PHF21B: variants seen among roughly 807,000 people sequenced by gnomAD.
PHF21B encodes the protein PHD finger protein 4.
Under a neutral mutation model 62.2 loss-of-function variants are expected in PHF21B, and 22 were observed. That is an observed-to-expected ratio of 0.35 (90% CI 0.25 to 0.51). PHF21B has a LOEUF of 0.51. PHF21B is among the 20% of genes least tolerant of loss of function. PHF21B has a pLI of 0.97. For synonymous variants in PHF21B, 341 were observed against 314.7 expected, an observed-to-expected ratio of 1.08 and a Z score of -0.88; for missense variants, 701 against 707.9, an observed-to-expected ratio of 0.99 and a Z score of 0.11.
At position 44,902,487 on chromosome 22, in the gene PHF21B, C is replaced by T. The variant is rs185878235; in HGVS notation, c.832-6404G>A. ...AATAAAATAACTATTTTTTGAATTT[C>T]GTATACTTTTCCCCCTTCTGCCTCT... On this transcript the variant is annotated intron_variant, in intron 5 of 12. Transcript: ENST00000313237. The T allele has an allele frequency of 2.3e-3, 386 of 167,536 alleles. 2 individuals are homozygous for T. The highest frequency in any genetic ancestry group is 3.4e-3 in the South Asian group (21 of 6,154). 10.4% of individuals were successfully genotyped at this position (167,536 alleles called of 1,614,324 possible).
At chr22:44,970,289 A>G (rs1381585360) in intron 2 of PHF21B, among the ~76,000 whole-genome samples, 3 of 152,354 alleles carry the variant, frequency 2.0e-5, no homozygotes, top group South Asian at 2.1e-4. Context: ...GCAGGGGGGA[A>G]TCTTTTCTGC....
chr22:45,002,957 T>A (rs1373004580), intron 2 of PHF21B: 1 of 152,200 alleles, frequency 6.6e-6, no homozygotes, highest in East Asian at 1.9e-4. Context: ...TATGGACGCA[T>A]CTCCCAGGCA....
rs370628239 is a variant in PHF21B, at chr22:44,987,808, TTCTC to T, written c.120+20733_120+20736del. On this transcript the variant is annotated intron_variant, in intron 2 of 12. Coordinates refer to ENST00000313237, the MANE Select transcript of PHF21B (RefSeq NM_138415.5). ...TCTCTCCTCTCCCCCTCCCCCTTCC[TTCTC>T]TCTATCTCACCCTTCACCCCTCATT... Among the ~76,000 whole-genome samples, 220 of 149,508 alleles carry T rather than the reference TTCTC, an allele frequency of 1.5e-3. 1 individual carries two copies. The East Asian group carries it at 0.024, about 16-fold the overall frequency.
chr22:45,006,961 G>A (rs2073325287), intron 2 of PHF21B, among the ~76,000 whole-genome samples: 1 of 151,740 alleles, frequency 6.6e-6, no homozygotes, highest in African/African-American at 2.4e-5. Context: ...TCCAAAAATG[G>A]CATCAAAGCA....
At chr22:44,999,593 T>C (rs1283032419) in intron 2 of PHF21B, among the ~76,000 whole-genome samples, 1 of 152,060 alleles carries the variant, frequency 6.6e-6, no homozygotes, top group Non-Finnish European at 1.5e-5. Context: ...GTCTCCAACA[T>C]CGTAACTCCA....
intron 2 of PHF21B, chr22:45,000,697 A>T (rs2073200383): frequency 6.6e-6 from 1 of 152,184 alleles, no homozygotes; most frequent in African/African-American, 2.4e-5. Flanking sequence ...CGGCGTAGTC[A>T]GCATAGTGGT....
intron 9 of PHF21B, among the ~76,000 whole-genome samples, chr22:44,888,629 T>C (rs1423326880): frequency 6.6e-6 from 1 of 152,186 alleles, no homozygotes; most frequent in African/African-American, 2.4e-5. Flanking sequence ...CGGCTCTCTG[T>C]TCACCATCCA....
At chr22:44,999,375 G>C (rs1342397470) in intron 2 of PHF21B, among the ~76,000 whole-genome samples, 1 of 152,144 alleles carries the variant, frequency 6.6e-6, no homozygotes, top group Non-Finnish European at 1.5e-5. Context: ...CGAAGGGCTT[G>C]GCTTTTGTGC....
chr22:44,888,801 C>T (rs1266240938), intron 9 of PHF21B, among the ~76,000 whole-genome samples: 1 of 152,196 alleles, frequency 6.6e-6, no homozygotes, highest in Non-Finnish European at 1.5e-5. Context: ...CATGCAAATG[C>T]CCAGGGAGGG....
chr22:44,944,350 C>G (rs551390891), intron 2 of PHF21B, among the ~76,000 whole-genome samples: 3 of 152,298 alleles, frequency 2.0e-5, no homozygotes, highest in Admixed American at 6.5e-5. Context: ...AGGAGCTGGA[C>G]GCCTGTGCTG....
At chr22:44,987,234 G>C (rs2072966365) in intron 2 of PHF21B, among the ~76,000 whole-genome samples, 1 of 152,146 alleles carries the variant, frequency 6.6e-6, no homozygotes, top group African/African-American at 2.4e-5. Context: ...AGTGGCAGAG[G>C]TAGGAAAAAA....
intron 2 of PHF21B, among the ~76,000 whole-genome samples, chr22:44,981,231 G>C (rs1324843754): frequency 6.6e-6 from 1 of 152,168 alleles, no homozygotes; most frequent in South Asian, 2.1e-4. Context: ...AGAGGGAGGA[G>C]GAGGCAAGAA....
At chr22:44,927,222 C>T (rs1320151145) in intron 2 of PHF21B, among the ~76,000 whole-genome samples, 1 of 152,120 alleles carries the variant, frequency 6.6e-6, no homozygotes, top group Non-Finnish European at 1.5e-5. Context: ...ACAACCCGCC[C>T]TGGGGAAACG....
chr22:44,906,023 A>G (rs1029353597), intron 5 of PHF21B, among the ~76,000 whole-genome samples: 1 of 152,186 alleles, frequency 6.6e-6, no homozygotes, highest in African/African-American at 2.4e-5. Flanking sequence ...AGCCTGGTCA[A>G]CTTGTCTCTT....
rs1032750296 is a variant in PHF21B at position 44,920,580 on chromosome 22, C to T, written c.121-90G>A. On this transcript the variant is annotated intron_variant, in intron 2 of 12. Transcript: ENST00000313237. ...AGCCTGGCCAAGCAGGGGGCAGCTG[C>T]CTTGGAGACAGCAAATTCTACTCTT... 7 of 801,656 alleles carry T rather than the reference C, an allele frequency of 8.7e-6. No homozygotes were observed. In the African/African-American group the frequency reaches 1.1e-4, roughly 12 times the overall value. The allele number at this position is 801,656 out of a possible 1,614,324, so 49.7% of individuals were successfully genotyped here.
chr22:44,989,755 G>A (rs1040027994), intron 2 of PHF21B, among the ~76,000 whole-genome samples: 1 of 151,830 alleles, frequency 6.6e-6, no homozygotes, highest in Non-Finnish European at 1.5e-5. Flanking sequence ...GATTACAGGC[G>A]CACACCACCA....
chr22:44,896,122 G>A (rs540478204), intron 5 of PHF21B, 39 bp from the exon 6 acceptor site: 13 of 1,610,186 alleles, frequency 8.1e-6, no homozygotes, highest in Admixed American at 3.3e-5. Flanking sequence ...TAACACAACC[G>A]TCAAAGTTCA....
intron 2 of PHF21B, among the ~76,000 whole-genome samples, chr22:45,007,616 C>G (rs1225887129): frequency 6.8e-6 from 1 of 146,906 alleles, no homozygotes; most frequent in African/African-American, 2.5e-5. Context: ...CGCCCCCGTG[C>G]CCGCCACAGC....
chr22:44,969,535 G>A (rs1331810990), intron 2 of PHF21B, among the ~76,000 whole-genome samples: 1 of 152,084 alleles, frequency 6.6e-6, no homozygotes, highest in Non-Finnish European at 1.5e-5. Context: ...GCGTGGTGGT[G>A]GGCACCTGTA....
Sources: gnomAD v4.1 joint callset for allele counts (sites outside exome capture counted in the v4.1 genomes callset) on GRCh38, gnomAD v4.1.1 for gene constraint, MANE v1.5 for transcripts, NCBI Gene and HGNC (gene_info 2026-07-23, HGNC 2026-07-21) for gene names.